The following SEC61G variants were observed in gnomAD, a reference collection of about 807,000 sequenced individuals.
The protein encoded by SEC61G is SEC61 translocon subunit gamma.
In SEC61G, 4 loss-of-function variants were observed where a neutral mutation model predicts 7.5. That is an observed-to-expected ratio of 0.54 (90% CI 0.26 to 1.22). SEC61G has a LOEUF of 1.22. Ranked by LOEUF, SEC61G falls within the 50% of genes most tolerant of loss-of-function variation. The probability of loss-of-function intolerance (pLI) is 0.12; values close to 1 mark genes in which losing one functional copy is unlikely to be tolerated. For missense variants in SEC61G, 53 were observed against 84.6 expected (o/e 0.63, Z 1.46); for synonymous variants, 24 against 24.4 (o/e 0.98, Z 0.05).
intron 1 of SEC61G, among the ~76,000 whole-genome samples, chr7:54,758,839 C>A (rs1203438560): frequency 6.6e-6 from 1 of 152,188 alleles, no homozygotes; most frequent in East Asian, 1.9e-4. Context: ...CAGAGCCAAC[C>A]CCGAAGGGAT....
rs1719346930 is a variant in SEC61G at position 54,755,810 on chromosome 7, A to G, written c.166T>C (p.Leu56=). ...IMGFIGFFVK[L]IHIPINNIIV... ...ATGTTATTAATAGGAATATGGATCA[A>G]TTTCACAAAGAAGCCAATGAATCCC... Residue 56 remains leucine, a synonymous_variant, in exon 3 of 4, where the codon TTG becomes CTG. Coordinates refer to ENST00000352861, the MANE Select transcript of SEC61G (RefSeq NM_014302.4). 5 of 1,584,656 alleles carry G rather than the reference A, an allele frequency of 3.2e-6. No individual in the cohort carries two copies. The highest frequency in any genetic ancestry group is 1.7e-4 in the Middle Eastern group (1 of 5,968).
At chr7:54,757,411 A>C in intron 2 of SEC61G, 84 bp downstream of exon 2, 1 of 1,049,678 alleles carries the variant, frequency 9.5e-7, no homozygotes, top group Non-Finnish European at 1.5e-6. Flanking sequence ...AAGTAATGCA[A>C]GGGCTATTAA....
At chr7:54,757,620 C>T in intron 1 of SEC61G, 26 bp from the exon 2 acceptor site, 2 of 1,582,480 alleles carry the variant, frequency 1.3e-6, no homozygotes, top group East Asian at 2.2e-5. Flanking sequence ...AAGATACTCA[C>T]TGGTATTGGT....
chr7:54,757,652 T>A, intron 1 of SEC61G, 58 bp from the exon 2 acceptor site: 1 of 1,375,420 alleles, frequency 7.3e-7, no homozygotes, highest in Non-Finnish European at 1.0e-6. Flanking sequence ...AAGCACTTGC[T>A]CATTTATATA....
chr7:54,757,002 ATATAC>A (rs1791533795), intron 2 of SEC61G, among the ~76,000 whole-genome samples: 2 of 147,556 alleles, frequency 1.4e-5, no homozygotes, highest in African/African-American at 2.5e-5. Context: ...ATTATATACT[ATATAC>A]TATATTATAT....
intron 2 of SEC61G, among the ~76,000 whole-genome samples, chr7:54,757,119 T>C (rs1165760624): frequency 6.6e-6 from 1 of 151,866 alleles, no homozygotes; most frequent in East Asian, 1.9e-4. Flanking sequence ...AAATTAACTT[T>C]CTAGTTTGGC....
chr7:54,752,484 T>G lies in SEC61G; in HGVS notation c.198-64A>C. On this transcript the variant is annotated intron_variant, in intron 3 of 3. Coordinates refer to ENST00000352861, the MANE Select transcript of SEC61G (RefSeq NM_014302.4). The stretch of plus-strand genomic sequence containing the variant: ...TAAGATTTTAATAATTATTATTATT[T>G]GAAATGCAATATGCTATAACTTTAA... 1.9e-6 allele frequency: 2 copies of G among 1,071,944 alleles called. 1 individual carries two copies. The highest frequency in any genetic ancestry group is 3.1e-5 in the South Asian group (2 of 64,942). 66.4% of individuals were successfully genotyped at this position (1,071,944 alleles called of 1,614,324 possible).
In SEC61G at chr7:54,752,329, C is replaced by A; in HGVS notation, c.*82G>T. ...AAAAAAAACCCACAAAACATACAGG[C>A]AAATTTGTATTCTGTGAGTTTCTCA... On this transcript the variant is annotated 3_prime_UTR_variant, in exon 4 of 4. Transcript: ENST00000352861. 3 of 916,396 alleles carry A rather than the reference C, an allele frequency of 3.3e-6. No individual in the cohort carries two copies. In the South Asian group the frequency reaches 6.1e-5, roughly 19 times the overall value. 56.8% of individuals were successfully genotyped at this position (916,396 alleles called of 1,614,324 possible).
intron 1 of SEC61G, among the ~76,000 whole-genome samples, chr7:54,758,356 G>A (rs1227908843): frequency 6.6e-6 from 1 of 152,074 alleles, no homozygotes; most frequent in Admixed American, 6.6e-5. Flanking sequence ...AAGCAGCCAG[G>A]GTGTTATTTG....
At chr7:54,753,179 G>A (rs2709283) in intron 3 of SEC61G, among the ~76,000 whole-genome samples, 8,008 of 152,164 alleles carry the variant, frequency 0.053, 252 homozygotes, top group Middle Eastern at 0.12. Context: ...TGTAGTCCCA[G>A]CTACTCAGGA....
intron 3 of SEC61G, among the ~76,000 whole-genome samples, chr7:54,753,171 T>C (rs1791446283): frequency 1.3e-5 from 2 of 152,056 alleles, no homozygotes; most frequent in Admixed American, 1.3e-4. Context: ...GGTGCAACTG[T>C]AGTCCCAGCT....
At chr7:54,753,784 G>A (rs551551166) in intron 3 of SEC61G, among the ~76,000 whole-genome samples, 1 of 152,054 alleles carries the variant, frequency 6.6e-6, no homozygotes, top group Admixed American at 6.5e-5. Flanking sequence ...AAGATTTCCC[G>A]TGTTGCTCTA....
chr7:54,755,838 T>C lies in SEC61G; in HGVS notation c.138A>G (p.Ile46Met). 1 of 1,595,516 alleles carries C rather than the reference T, an allele frequency of 6.3e-7. No individual in the cohort carries two copies. Among genetic ancestry groups the C allele is most frequent in the Non-Finnish European group, 8.5e-7 (1 of 1,169,748 alleles). The change falls in exon 3 of 4, where the codon ATA (isoleucine) becomes ATG (methionine). Residue 46 changes from isoleucine (I) to methionine (M), a missense_variant. Ile to Met is a conservative substitution (Grantham distance 10). Coordinates refer to ENST00000352861, the MANE Select transcript of SEC61G (RefSeq NM_014302.4). ...TCACAAAGAAGCCAATGAATCCCAT[T>C]ATAGCAAATCCTATTGCTGTTGCCA... ...IAMATAIGFA[I>M]MGFIGFFVKL...
intron 3 of SEC61G, among the ~76,000 whole-genome samples, chr7:54,754,358 G>A (rs1387746678): frequency 6.6e-6 from 1 of 152,270 alleles, no homozygotes; most frequent in Non-Finnish European, 1.5e-5. Flanking sequence ...CAGAGGCACC[G>A]AGTATGAAAA....
At chr7:54,752,547 A>G in intron 3 of SEC61G, 127 bp from the exon 4 acceptor site, 1 of 523,974 alleles carries the variant, frequency 1.9e-6, no homozygotes, top group Non-Finnish European at 3.3e-6. Context: ...ACCTAACTTC[A>G]TCTAAAGATG....
chr7:54,758,044 T>C (rs1252460627), intron 1 of SEC61G, among the ~76,000 whole-genome samples: 2 of 152,334 alleles, frequency 1.3e-5, no homozygotes, highest in South Asian at 2.1e-4. Context: ...CAGAAGCCAG[T>C]GTCTTGTACA....
intron 3 of SEC61G, among the ~76,000 whole-genome samples, chr7:54,754,014 GA>G (rs1791460953): frequency 6.6e-6 from 1 of 152,188 alleles, no homozygotes; most frequent in Non-Finnish European, 1.5e-5. Context: ...CTCTGGACCA[GA>G]CTCTATAGGA....
At position 54,755,260 on chromosome 7, in the gene SEC61G, C is replaced by T. The variant is rs570441293; in HGVS notation, c.197+519G>A. 5 of 152,218 alleles carry T rather than the reference C, an allele frequency of 3.3e-5. No homozygotes were observed. The South Asian group carries it at 8.3e-4, about 25-fold the overall frequency. The allele number at this position is 152,218 out of a possible 1,614,324, so 9.4% of individuals were successfully genotyped here. On this transcript the variant is annotated intron_variant, in intron 3 of 3. Transcript: ENST00000352861. ...ATTCTTACCCAAATTGTTTCTGGGG[C>T]CTTACATGACTTAAAGTCATAATCC...
In SEC61G at chr7:54,759,181, C is replaced by G. The variant is rs535141613; in HGVS notation, c.-30G>C. 6 of 519,044 alleles carry G rather than the reference C, an allele frequency of 1.2e-5. No homozygotes were observed. Among genetic ancestry groups the G allele is most frequent in the Non-Finnish European group, 7.7e-6 (2 of 259,860 alleles). 32.2% of individuals were successfully genotyped at this position (519,044 alleles called of 1,614,324 possible). A position where few individuals can be genotyped will look rare whatever the true frequency, so the allele number is the denominator to read the frequency against. ...ACCTACCCAACCGACACCTAAAATGCCAGGGACACGTAGCACTGGAGCTTG... is the reference window on the plus strand; with the variant it reads ...ACCTACCCAACCGACACCTAAAATGGCAGGGACACGTAGCACTGGAGCTTG... On this transcript the variant is annotated 5_prime_UTR_variant, in exon 1 of 4. Coordinates refer to ENST00000352861, the MANE Select transcript of SEC61G (RefSeq NM_014302.4).
Sources: gnomAD v4.1 joint callset for allele counts (sites outside exome capture counted in the v4.1 genomes callset) on GRCh38, gnomAD v4.1.1 for gene constraint, MANE v1.5 for transcripts, NCBI Gene and HGNC (gene_info 2026-07-23, HGNC 2026-07-21) for gene names.